FAM20A: variants seen among roughly 807,000 people sequenced by gnomAD.
FAM20A encodes FAM20A golgi associated secretory pathway pseudokinase, also known as pseudokinase FAM20A.
FAM20A carries 42 observed loss-of-function variants against 52.0 expected under a neutral mutation model. That is an observed-to-expected ratio of 0.81 (90% CI 0.63 to 1.04). The LOEUF is 1.04. Ranked by LOEUF, FAM20A falls within the 50% of genes least tolerant of loss-of-function variation. The pLI is 0.00. For missense variants in FAM20A, 742 were observed against 712.7 expected (o/e 1.04, Z -0.47); for synonymous variants, 304 against 298.9 (o/e 1.02, Z -0.18).
At chr17:68,564,637 A>G (rs2087322624) in intron 1 of FAM20A, among the ~76,000 whole-genome samples, 1 of 152,186 alleles carries the variant, frequency 6.6e-6, no homozygotes, top group Admixed American at 6.5e-5. Flanking sequence ...AGACTAAGCA[A>G]TAGGCAGGTT....
intron 1 of FAM20A, among the ~76,000 whole-genome samples, chr17:68,559,834 G>C (rs2087160253): frequency 6.6e-6 from 1 of 152,008 alleles, no homozygotes; most frequent in African/African-American, 2.4e-5. Context: ...TCTGAAACTT[G>C]CTTTATTTTC....
At chr17:68,550,587 G>A (rs868404755) in intron 4 of FAM20A, among the ~76,000 whole-genome samples, 4 of 151,960 alleles carry the variant, frequency 2.6e-5, no homozygotes, top group African/African-American at 9.7e-5. Context: ...CACCATGATG[G>A]CCAGGCTGGT....
At chr17:68,588,091 CAA>C (rs1399861596) in intron 1 of FAM20A, among the ~76,000 whole-genome samples, 1 of 150,538 alleles carries the variant, frequency 6.6e-6, no homozygotes, top group East Asian at 2.0e-4. Context: ...GGAGGAATGC[CAA>C]GAGAGACAAA....
chr17:68,579,558 C>A (rs1420663280), intron 1 of FAM20A, among the ~76,000 whole-genome samples: 2 of 152,140 alleles, frequency 1.3e-5, no homozygotes, highest in African/African-American at 2.4e-5. Flanking sequence ...CATCTGAATT[C>A]ATTTACCTAT....
chr17:68,559,650 TA>T (rs1312202274), intron 1 of FAM20A, among the ~76,000 whole-genome samples: 1 of 152,248 alleles, frequency 6.6e-6, no homozygotes, highest in African/African-American at 2.4e-5. Flanking sequence ...ACTTATTTTT[TA>T]AGTAGCAAAT....
At chr17:68,595,722 G>C (rs1009714910) in intron 1 of FAM20A, among the ~76,000 whole-genome samples, 20 of 152,206 alleles carry the variant, frequency 1.3e-4, no homozygotes, top group African/African-American at 4.6e-4. Context: ...CCATCCATGA[G>C]TAAGAACCTG....
At chr17:68,543,578 C>G in intron 5 of FAM20A, 51 bp downstream of exon 5, 1 of 1,539,770 alleles carries the variant, frequency 6.5e-7, no homozygotes, top group Non-Finnish European at 9.0e-7. Flanking sequence ...CCACCCCTCC[C>G]AGAGGATTGG....
At chr17:68,555,515 T>A in intron 2 of FAM20A, 44 bp downstream of exon 2, 1 of 1,608,022 alleles carries the variant, frequency 6.2e-7, no homozygotes, top group Non-Finnish European at 8.5e-7. Flanking sequence ...CCAGACTCTC[T>A]GGGAGAAAGT....
chr17:68,567,500 C>T (rs1401018391), intron 1 of FAM20A, among the ~76,000 whole-genome samples: 2 of 152,062 alleles, frequency 1.3e-5, no homozygotes, highest in East Asian at 3.9e-4. Context: ...GAAGCTGGCC[C>T]TGGGCTTTGG....
chr17:68,535,492 C>G lies in FAM20A; in HGVS notation c.*1985G>C, dbSNP rs536742794. 14 of 453,844 alleles carry G rather than the reference C, an allele frequency of 3.1e-5. No individual in the cohort carries two copies. Among genetic ancestry groups the G allele is most frequent in the Non-Finnish European group, 6.2e-5 (14 of 226,766 alleles). The allele number at this position is 453,844 out of a possible 1,614,324, so 28.1% of individuals were successfully genotyped here. Reference sequence around the variant, plus strand: ...GTGCTATTCTTTGAATGTTTTTACCCAGATATTTTCCCATTTCTGTGTGTG... The same window carrying G: ...GTGCTATTCTTTGAATGTTTTTACCGAGATATTTTCCCATTTCTGTGTGTG... On this transcript the variant is annotated 3_prime_UTR_variant, in exon 11 of 11. Coordinates refer to ENST00000592554, the MANE Select transcript of FAM20A (RefSeq NM_017565.4).
At chr17:68,564,617 CTT>C (rs1004367023) in intron 1 of FAM20A, among the ~76,000 whole-genome samples, 5 of 152,158 alleles carry the variant, frequency 3.3e-5, no homozygotes, top group Non-Finnish European at 7.3e-5. Flanking sequence ...TCTGTGGTCT[CTT>C]GGTGTGCAGA....
intron 1 of FAM20A, among the ~76,000 whole-genome samples, chr17:68,572,526 A>G (rs1464441885): frequency 1.3e-5 from 2 of 152,094 alleles, no homozygotes; most frequent in Non-Finnish European, 2.9e-5. Context: ...GGCTTTTGGA[A>G]ATGGCTTTTT....
rs533385275 is a variant in FAM20A, at chr17:68,574,209, C to T, written c.405-18466G>A. Among the ~76,000 whole-genome samples the T allele has an allele frequency of 2.0e-5, 3 of 151,960 alleles. No individual in the cohort carries two copies. In the East Asian group the frequency reaches 5.8e-4, roughly 30 times the overall value. ...CCTCCCAAGTAACTGGGACCACAGG[C>T]GTGTGCCACCATGCCCGGCTAATTT... On this transcript the variant is annotated intron_variant, in intron 1 of 10. Coordinates refer to ENST00000592554, the MANE Select transcript of FAM20A (RefSeq NM_017565.4).
chr17:68,566,335 C>T (rs1362539576), intron 1 of FAM20A, among the ~76,000 whole-genome samples: 2 of 152,212 alleles, frequency 1.3e-5, no homozygotes, highest in Non-Finnish European at 2.9e-5. Context: ...GCACCTTGTG[C>T]ACAGAAGGTA....
chr17:68,553,755 T>TGTATAC (rs1218186460), intron 3 of FAM20A, among the ~76,000 whole-genome samples: 4 of 144,812 alleles, frequency 2.8e-5, no homozygotes, highest in African/African-American at 8.2e-5. Flanking sequence ...CACATATATA[T>TGTATAC]ACATATATAT....
chr17:68,571,302 G>A (rs917745806), intron 1 of FAM20A, among the ~76,000 whole-genome samples: 1 of 152,172 alleles, frequency 6.6e-6, no homozygotes, highest in Non-Finnish European at 1.5e-5. Flanking sequence ...ATCCTCCTCA[G>A]TATTTGAAGG....
chr17:68,554,263 TCTAA>T (rs1436617817), intron 3 of FAM20A, among the ~76,000 whole-genome samples: 4 of 151,938 alleles, frequency 2.6e-5, no homozygotes, highest in Non-Finnish European at 5.9e-5. Flanking sequence ...CCCACGCTCG[TCTAA>T]CTTTTTATAT....
rs1004251994 is a variant in FAM20A, at chr17:68,600,124, C to A, written c.404+139G>T. 6.7e-6 allele frequency: 7 copies of A among 1,042,364 alleles called. No individual in the cohort carries two copies. The highest frequency in any genetic ancestry group is 9.5e-6 in the Non-Finnish European group (7 of 735,632). 64.6% of individuals were successfully genotyped at this position (1,042,364 alleles called of 1,614,324 possible). ...GTGGGGTTCGGGTGGGGAACACACT[C>A]TAAGCCCAGCGCCAGGGCTGGAGCC... On this transcript the variant is annotated intron_variant, in intron 1 of 10. Transcript: ENST00000592554. The surrounding 1 kb of genome is among the most constrained non-coding windows in gnomAD (Gnocchi z 6.2).
At chr17:68,557,148 C>T (rs1409421263) in intron 1 of FAM20A, among the ~76,000 whole-genome samples, 2 of 151,582 alleles carry the variant, frequency 1.3e-5, no homozygotes, top group Non-Finnish European at 2.9e-5. Flanking sequence ...TGCAGCAAGC[C>T]GAGATCACGC....
Sources: gnomAD v4.1 joint callset for allele counts (sites outside exome capture counted in the v4.1 genomes callset) on GRCh38, gnomAD v4.1.1 for gene constraint, Gnocchi (gnomAD v3.1) non-coding constraint, MANE v1.5 for transcripts, NCBI Gene and HGNC (gene_info 2026-07-23, HGNC 2026-07-21) for gene names.